The following TNFSF4 variants were observed in gnomAD, a reference collection of about 807,000 sequenced individuals.
TNFSF4 encodes tumor necrosis factor ligand superfamily member 4.
TNFSF4 carries 4 observed loss-of-function variants against 7.3 expected under a neutral mutation model. The ratio of observed to expected loss-of-function variants is 0.55; its 90% CI spans 0.27 to 1.25. TNFSF4 has a LOEUF of 1.25. TNFSF4 is among the 50% of genes most tolerant of loss of function. The pLI is 0.12. For missense variants in TNFSF4, 181 were observed against 208.8 expected (o/e 0.87, Z 0.82); for synonymous variants, 76 against 83.7 (o/e 0.91, Z 0.50).
chr1:173,206,195 G>C (rs1309309564), intron 1 of TNFSF4, among the ~76,000 whole-genome samples: 1 of 152,030 alleles, frequency 6.6e-6, no homozygotes, highest in Non-Finnish European at 1.5e-5. Flanking sequence ...AACACGAAGA[G>C]AGTATAGATT....
At chr1:173,277,424 G>T in the TNFSF4 span, among the ~76,000 whole-genome samples, 1 of 152,056 alleles carries the variant, frequency 6.6e-6, no homozygotes, top group African/African-American at 2.4e-5. Context: ...CCCCAATTTT[G>T]GGGGGATGCC....
chr1:173,416,211 G>A, the TNFSF4 span, among the ~76,000 whole-genome samples: 1 of 152,194 alleles, frequency 6.6e-6, no homozygotes, highest in African/African-American at 2.4e-5. Flanking sequence ...CTAAGCAGTG[G>A]CAGCAGCTGG....
At chr1:173,407,069 C>T in the TNFSF4 span, among the ~76,000 whole-genome samples, 3 of 151,996 alleles carry the variant, frequency 2.0e-5, no homozygotes, top group Admixed American at 1.3e-4. Context: ...ACTGCTGGCA[C>T]CTGAGTGGAG....
downstream of TNFSF4, among the ~76,000 whole-genome samples, chr1:173,180,006 C>A (rs1328220160): frequency 6.6e-6 from 1 of 152,182 alleles, no homozygotes; most frequent in Non-Finnish European, 1.5e-5. Context: ...CCCAGAGAGA[C>A]CTTGCCTCTT....
the TNFSF4 span, among the ~76,000 whole-genome samples, chr1:173,348,802 C>T: frequency 2.6e-5 from 4 of 152,088 alleles, no homozygotes; most frequent in African/African-American, 9.7e-5. Context: ...ATGAAATGGG[C>T]AATGTAACCA....
chr1:173,303,589 T>G, the TNFSF4 span, among the ~76,000 whole-genome samples: 5 of 152,042 alleles, frequency 3.3e-5, no homozygotes, highest in South Asian at 1.0e-3. Context: ...TTGATCTTTA[T>G]AAAATGGAAC....
the TNFSF4 span, among the ~76,000 whole-genome samples, chr1:173,277,536 C>T: frequency 6.6e-6 from 1 of 152,100 alleles, no homozygotes; most frequent in Non-Finnish European, 1.5e-5. Flanking sequence ...ATGTAAGTTA[C>T]TTAGCATAAA....
chr1:173,442,367 C>T, the TNFSF4 span, among the ~76,000 whole-genome samples: 2 of 152,032 alleles, frequency 1.3e-5, no homozygotes, highest in Non-Finnish European at 2.9e-5. Context: ...CCCCCAACTC[C>T]TCCCCAGAAC....
the TNFSF4 span, among the ~76,000 whole-genome samples, chr1:173,445,208 A>G: frequency 1.3e-5 from 2 of 152,194 alleles, no homozygotes; most frequent in East Asian, 1.9e-4. Context: ...CTACCTAAGG[A>G]CTCTGAAAGG....
chr1:173,413,665 A>T, the TNFSF4 span, among the ~76,000 whole-genome samples: 1 of 152,200 alleles, frequency 6.6e-6, no homozygotes, highest in Non-Finnish European at 1.5e-5. Flanking sequence ...ATAGCCCTGC[A>T]GTCCTCACGC....
At chr1:173,281,105 T>C in the TNFSF4 span, among the ~76,000 whole-genome samples, 1 of 152,240 alleles carries the variant, frequency 6.6e-6, no homozygotes, top group African/African-American at 2.4e-5. Flanking sequence ...AGCGTGATAA[T>C]TGGGTTTTCA....
At chr1:173,226,797 G>T in the TNFSF4 span, among the ~76,000 whole-genome samples, 1 of 152,250 alleles carries the variant, frequency 6.6e-6, no homozygotes, top group South Asian at 2.1e-4. Flanking sequence ...TGCAATTTAA[G>T]TATTTCTCTA....
chr1:173,264,909 G>C, the TNFSF4 span, among the ~76,000 whole-genome samples: 2 of 152,150 alleles, frequency 1.3e-5, no homozygotes, highest in Non-Finnish European at 2.9e-5. Flanking sequence ...GTTATTGAAT[G>C]AAAATTATCA....
At chr1:173,193,508 G>A (rs1284715058) in intron 1 of TNFSF4, among the ~76,000 whole-genome samples, 1 of 152,152 alleles carries the variant, frequency 6.6e-6, no homozygotes, top group Non-Finnish European at 1.5e-5. Context: ...TCACAGAAGT[G>A]AAGAGATTTG....
At chr1:173,239,796 T>G in the TNFSF4 span, among the ~76,000 whole-genome samples, 1 of 152,260 alleles carries the variant, frequency 6.6e-6, no homozygotes. Flanking sequence ...TTTGGGAGGC[T>G]GAAGTAGGCG....
the TNFSF4 span, among the ~76,000 whole-genome samples, chr1:173,256,114 A>C: frequency 6.6e-6 from 1 of 152,368 alleles, no homozygotes. Flanking sequence ...CCATAAACAT[A>C]TCAATGAAGA....
At chr1:173,345,778 TC>T in the TNFSF4 span, among the ~76,000 whole-genome samples, 1 of 152,154 alleles carries the variant, frequency 6.6e-6, no homozygotes, top group Non-Finnish European at 1.5e-5. Flanking sequence ...GTCTCAGTCA[TC>T]AACAGAGAGA....
chr1:173,396,315 G>C, the TNFSF4 span, among the ~76,000 whole-genome samples: 1 of 152,264 alleles, frequency 6.6e-6, no homozygotes, highest in South Asian at 2.1e-4. Context: ...TGCGAGACCA[G>C]GCTGGGCAAC....
chr1:173,435,918 T>C, the TNFSF4 span, among the ~76,000 whole-genome samples: 1 of 152,356 alleles, frequency 6.6e-6, no homozygotes, highest in East Asian at 1.9e-4. Context: ...GAAAACCTAG[T>C]ACACATCCAT....
Sources: gnomAD v4.1 joint callset for allele counts (sites outside exome capture counted in the v4.1 genomes callset) on GRCh38, gnomAD v4.1.1 for gene constraint, MANE v1.5 for transcripts, NCBI Gene and HGNC (gene_info 2026-07-23, HGNC 2026-07-21) for gene names.